Variants in PTPRA observed in about 807,000 individuals in gnomAD.
The protein encoded by PTPRA is protein tyrosine phosphatase receptor type A.
A neutral mutation model predicts 104.8 loss-of-function variants in PTPRA; 25 were observed. That is an observed-to-expected ratio of 0.24 (90% CI 0.17 to 0.33). The LOEUF (loss-of-function observed/expected upper bound fraction) is 0.33, where lower values mean the gene tolerates loss of function less well. Among genes scored for constraint, PTPRA ranks in the 10% least tolerant of loss-of-function variants. The probability of loss-of-function intolerance (pLI) is 1.00; values close to 1 mark genes in which losing one functional copy is unlikely to be tolerated. For synonymous variants in PTPRA, 323 were observed against 368.9 expected (o/e 0.88, Z 1.43); for missense variants, 765 against 1,015.3 (o/e 0.75, Z 3.35).
At chr20:2,922,941 T>C (rs77286947) in intron 1 of PTPRA, among the ~76,000 whole-genome samples, 1 of 152,122 alleles carries the variant, frequency 6.6e-6, no homozygotes, top group African/African-American at 2.4e-5. Context: ...GGCTATTTTC[T>C]TTTGAGACTG....
chr20:2,871,776 C>G (rs2089434944), upstream of PTPRA, among the ~76,000 whole-genome samples: 1 of 152,192 alleles, frequency 6.6e-6, no homozygotes, highest in South Asian at 2.1e-4. Context: ...GGGGAAGGAT[C>G]CACCCTCACT....
intron 11 of PTPRA, among the ~76,000 whole-genome samples, chr20:3,015,531 CTT>C (rs1212084711): frequency 6.6e-5 from 10 of 152,076 alleles, no homozygotes; most frequent in Admixed American, 6.6e-4. Flanking sequence ...CTCTCACACT[CTT>C]GACCTTAGAT....
At chr20:2,866,753 C>A in the PTPRA span, 19 of 929,568 alleles carry the variant, frequency 2.0e-5, no homozygotes, top group Non-Finnish European at 2.8e-5. Flanking sequence ...CTTACACAGT[C>A]CAGCCTAAGC....
chr20:3,034,560 T>C (rs2065705757), intron 20 of PTPRA, among the ~76,000 whole-genome samples: 2 of 152,020 alleles, frequency 1.3e-5, no homozygotes, highest in Admixed American at 1.3e-4. Flanking sequence ...GAATTTTTTT[T>C]TTTTTTTGGC....
chr20:2,912,150 A>G (rs988942417), intron 1 of PTPRA, among the ~76,000 whole-genome samples: 12 of 152,080 alleles, frequency 7.9e-5, no homozygotes, highest in Admixed American at 6.6e-5. Flanking sequence ...AGGAGGCTGA[A>G]GTGAGAGAAT....
intron 6 of PTPRA, among the ~76,000 whole-genome samples, chr20:2,979,189 C>T (rs963732914): frequency 2.6e-5 from 4 of 152,132 alleles, no homozygotes; most frequent in African/African-American, 7.2e-5. Context: ...GCCTGTGGTT[C>T]GTTGGTTGAT....
chr20:2,970,350 C>T (rs6107213), intron 5 of PTPRA, among the ~76,000 whole-genome samples: 1 of 152,176 alleles, frequency 6.6e-6, no homozygotes, highest in Non-Finnish European at 1.5e-5. Flanking sequence ...GTCAAAGTGC[C>T]TATTTTTCTA....
intron 3 of PTPRA, among the ~76,000 whole-genome samples, chr20:2,957,897 A>C (rs1299554148): frequency 6.6e-6 from 1 of 152,144 alleles, no homozygotes; most frequent in East Asian, 1.9e-4. Context: ...TTAGGGTTCC[A>C]CTGAAGCGGA....
rs2065856245 is a variant in PTPRA, at chr20:3,037,488, C to CAG, written c.2334+202_2334+203dup. ...GCAATGGGAGCATAGCCCCTGTTGC[C>CAG]AGAGGTTGGGCCAGGTTAGAAGGGG... On this transcript the variant is annotated intron_variant, in intron 23 of 23. Coordinates refer to ENST00000399903, the MANE Select transcript of PTPRA (RefSeq NM_001385305.1). This position sits in a 1 kb window ranked among gnomAD's most constrained non-coding sequence, Gnocchi z 4.3. 6.6e-6 allele frequency among the ~76,000 whole-genome samples: 1 copy of CAG among 152,084 alleles called. No individual in the cohort carries two copies. Among genetic ancestry groups the CAG allele is most frequent in the Admixed American group, 6.5e-5 (1 of 15,278 alleles).
chr20:2,898,369 C>T (rs375453900), intron 1 of PTPRA, among the ~76,000 whole-genome samples: 34 of 151,658 alleles, frequency 2.2e-4, no homozygotes, highest in African/African-American at 1.7e-4. Flanking sequence ...CGTGAGCCAC[C>T]GCGCCTGGCA....
intron 1 of PTPRA, among the ~76,000 whole-genome samples, chr20:2,902,349 T>C (rs1375207939): frequency 3.9e-5 from 6 of 152,334 alleles, no homozygotes; most frequent in African/African-American, 1.4e-4. Context: ...CAAATTATTC[T>C]GAAGCTTGCT....
At chr20:3,036,004 G>A (rs2065784127) in intron 22 of PTPRA, 63 bp downstream of exon 22, 1 of 1,607,630 alleles carries the variant, frequency 6.2e-7, no homozygotes, top group Admixed American at 1.7e-5. Context: ...AGGGGAAGCT[G>A]ATGACCATGG....
intron 17 of PTPRA, among the ~76,000 whole-genome samples, chr20:3,025,432 G>C (rs1465454615): frequency 7.1e-6 from 1 of 141,466 alleles, no homozygotes; most frequent in South Asian, 2.3e-4. Context: ...CAGCCTGGGC[G>C]ACAGAGCGAG....
the PTPRA span, chr20:2,865,422 C>T: frequency 3.1e-6 from 5 of 1,614,070 alleles, no homozygotes; most frequent in African/African-American, 6.7e-5. This position sits in a 1 kb window ranked among gnomAD's most constrained non-coding sequence, Gnocchi z 5.2. Flanking sequence ...AAGCTGACTG[C>T]CCTGGCAGAT....
chr20:3,005,490 G>T (rs373061080), intron 10 of PTPRA, among the ~76,000 whole-genome samples: 1 of 152,192 alleles, frequency 6.6e-6, no homozygotes, highest in Non-Finnish European at 1.5e-5. Context: ...GGCAGAGGTT[G>T]CAGTGACCCA....
At chr20:2,881,957 G>T (rs1051165300) in intron 1 of PTPRA, among the ~76,000 whole-genome samples, 1 of 152,104 alleles carries the variant, frequency 6.6e-6, no homozygotes, top group Non-Finnish European at 1.5e-5. Context: ...CTGAGGTTGC[G>T]CCGCTGTACT....
intron 9 of PTPRA, among the ~76,000 whole-genome samples, chr20:2,992,832 C>A (rs1478949753): frequency 2.6e-5 from 4 of 152,190 alleles, no homozygotes; most frequent in Non-Finnish European, 5.9e-5. Flanking sequence ...GTGGCTCATG[C>A]CTTTAATCCT....
At chr20:3,034,582 A>G (rs1260532186) in intron 20 of PTPRA, among the ~76,000 whole-genome samples, 1 of 151,220 alleles carries the variant, frequency 6.6e-6, no homozygotes, top group East Asian at 1.9e-4. Flanking sequence ...GTTCTGGTTG[A>G]AGAGAGGCCC....
At chr20:2,900,328 A>G (rs6138933) in intron 1 of PTPRA, among the ~76,000 whole-genome samples, 7,003 of 151,210 alleles carry the variant, frequency 0.046, 367 homozygotes, top group Admixed American at 0.11. Flanking sequence ...TGTCCTTTTT[A>G]CTCACCTTCC....
Sources: gnomAD v4.1 joint callset for allele counts (sites outside exome capture counted in the v4.1 genomes callset) on GRCh38, gnomAD v4.1.1 for gene constraint, Gnocchi (gnomAD v3.1) non-coding constraint, MANE v1.5 for transcripts, NCBI Gene and HGNC (gene_info 2026-07-23, HGNC 2026-07-21) for gene names.